LRRC37A2: variants seen among roughly 807,000 people sequenced by gnomAD.
LRRC37A2 encodes the protein leucine rich repeat containing 37 member A2.
A neutral mutation model predicts 68.8 loss-of-function variants in LRRC37A2; 9 were observed. The observed-to-expected ratio is 0.13, with a 90% CI of 0.08 to 0.23. LRRC37A2 has a LOEUF of 0.23. LRRC37A2 is among the 10% of genes least tolerant of loss of function. The pLI, the probability that LRRC37A2 is intolerant of heterozygous loss-of-function variation, is 1.00. For synonymous variants in LRRC37A2, 63 were observed against 367.6 expected (o/e 0.17, Z 9.48); for missense variants, 168 against 950.4 (o/e 0.18, Z 10.82).
chr17:46,940,383 G>C, the LRRC37A2 span: 2 of 1,533,162 alleles, frequency 1.3e-6, no homozygotes, highest in Admixed American at 1.9e-5. Flanking sequence ...ACTGGAGGGT[G>C]GACTGGGGGG....
chr17:47,030,085 A>T, the LRRC37A2 span, among the ~76,000 whole-genome samples: 1 of 49,566 alleles, frequency 2.0e-5, no homozygotes, highest in Non-Finnish European at 4.2e-5. Flanking sequence ...TAATAATAAT[A>T]ATAATCATCA....
chr17:46,956,034 A>G, the LRRC37A2 span, among the ~76,000 whole-genome samples: 3 of 152,186 alleles, frequency 2.0e-5, no homozygotes, highest in African/African-American at 7.2e-5. Flanking sequence ...CCTCCTTGGC[A>G]AGACAGGAAG....
At chr17:47,020,643 A>T in the LRRC37A2 span, among the ~76,000 whole-genome samples, 1,333 of 150,668 alleles carry the variant, frequency 8.8e-3, 11 homozygotes, top group Non-Finnish European at 0.014. Context: ...TTAGCCAGGC[A>T]TGGTGGTGGG....
At chr17:46,560,477 T>C (rs1230828728), downstream of LRRC37A2, 2 of 30,434 alleles carry the variant, frequency 6.6e-5, no homozygotes, top group East Asian at 9.2e-4. Flanking sequence ...CTAGAGGCCA[T>C]TTAAAGCTGG....
the LRRC37A2 span, among the ~76,000 whole-genome samples, chr17:47,023,456 G>A: frequency 3.3e-5 from 5 of 152,180 alleles, no homozygotes; most frequent in Non-Finnish European, 4.4e-5. Context: ...GGAGGTAGGC[G>A]GATCACCTGA....
At chr17:46,494,640 A>G in the LRRC37A2 span, among the ~76,000 whole-genome samples, 1 of 151,348 alleles carries the variant, frequency 6.6e-6, no homozygotes. Context: ...GTTCACAAAG[A>G]TTTTCCTCTT....
chr17:46,886,164 A>T, the LRRC37A2 span: 3 of 152,388 alleles, frequency 2.0e-5, no homozygotes, highest in Admixed American at 6.5e-5. Flanking sequence ...AGTGCTGGGG[A>T]CATAGCCAGT....
the LRRC37A2 span, among the ~76,000 whole-genome samples, chr17:46,982,663 C>G: frequency 2.8e-3 from 421 of 152,310 alleles, 3 homozygotes; most frequent in African/African-American, 9.8e-3. Context: ...TCATTATCCC[C>G]GTCCCCCTCT....
At chr17:46,722,291 C>T in the LRRC37A2 span, 1 of 790,160 alleles carries the variant, frequency 1.3e-6, no homozygotes, top group Non-Finnish European at 2.2e-6. Context: ...ACGGTTCTTA[C>T]CTTCTTACCT....
the LRRC37A2 span, among the ~76,000 whole-genome samples, chr17:46,737,908 ATATTATTATTAT>A: frequency 2.2e-3 from 323 of 145,900 alleles, 2 homozygotes; most frequent in Middle Eastern, 7.0e-3. Context: ...TAAAATTAGC[ATATTATTATTAT>A]TATTATTATT....
chr17:46,992,219 T>TAAATAAATAAATAAATAAATAAATAAA, the LRRC37A2 span, among the ~76,000 whole-genome samples: 23 of 151,516 alleles, frequency 1.5e-4, no homozygotes, highest in South Asian at 2.1e-4. Context: ...AATAAATAAA[T>TAAATAAATAAATAAATAAATAAATAAA]TAGCCAGGTG....
the LRRC37A2 span, among the ~76,000 whole-genome samples, chr17:46,979,789 T>G: frequency 4.3e-5 from 2 of 46,848 alleles, no homozygotes; most frequent in African/African-American, 9.9e-5. Context: ...TAAATTACTG[T>G]TTTTTTCTTT....
the LRRC37A2 span, among the ~76,000 whole-genome samples, chr17:46,825,620 C>T: frequency 2.6e-5 from 4 of 152,252 alleles, no homozygotes; most frequent in African/African-American, 9.6e-5. Flanking sequence ...TGCCCCTTGG[C>T]AGCTGAGCAC....
At chr17:46,847,212 G>A in the LRRC37A2 span, among the ~76,000 whole-genome samples, 1 of 152,178 alleles carries the variant, frequency 6.6e-6, no homozygotes, top group East Asian at 1.9e-4. Context: ...GCATGGCTGT[G>A]AGTTCCCTGG....
the LRRC37A2 span, among the ~76,000 whole-genome samples, chr17:46,814,912 G>A: frequency 1.3e-5 from 2 of 152,214 alleles, no homozygotes. Context: ...CTGGGATGGC[G>A]AGAACTCAGG....
the LRRC37A2 span, chr17:46,713,884 T>A: frequency 6.2e-7 from 1 of 1,612,546 alleles, no homozygotes; most frequent in South Asian, 1.1e-5. Context: ...CTGCTTTAGC[T>A]GCAAAAATTG....
the LRRC37A2 span, among the ~76,000 whole-genome samples, chr17:46,786,068 C>A: frequency 1.3e-4 from 18 of 141,090 alleles, 1 homozygote; most frequent in East Asian, 2.5e-4. Context: ...CCCACCCCCC[C>A]ACCCCTTCAT....
chr17:46,530,469 C>G (rs1396027937), intron 6 of LRRC37A2, among the ~76,000 whole-genome samples: 1 of 137,604 alleles, frequency 7.3e-6, no homozygotes, highest in African/African-American at 2.8e-5. Flanking sequence ...GGAGGGGGAT[C>G]ACAAGGCAGG....
At chr17:46,881,244 G>A in the LRRC37A2 span, among the ~76,000 whole-genome samples, 1 of 152,218 alleles carries the variant, frequency 6.6e-6, no homozygotes, top group Non-Finnish European at 1.5e-5. Flanking sequence ...GGAGGCAGAG[G>A]TGGGCCCACA....
Sources: gnomAD v4.1 joint callset for allele counts (sites outside exome capture counted in the v4.1 genomes callset) on GRCh38, gnomAD v4.1.1 for gene constraint, MANE v1.5 for transcripts, NCBI Gene and HGNC (gene_info 2026-07-23, HGNC 2026-07-21) for gene names.